LLGL2: variants seen among roughly 807,000 people sequenced by gnomAD.
The protein encoded by LLGL2 is LLGL2, scribble cell polarity complex component.
Under a neutral mutation model 123.2 loss-of-function variants are expected in LLGL2, and 81 were observed. The ratio of observed to expected loss-of-function variants is 0.66; its 90% CI spans 0.55 to 0.79. The LOEUF is 0.79. Among genes scored for constraint, LLGL2 ranks in the 30% least tolerant of loss-of-function variants. LLGL2 has a pLI of 0.00. For missense variants in LLGL2, 1,273 were observed against 1,414.6 expected, an observed-to-expected ratio of 0.90 and a Z score of 1.61; for synonymous variants, 577 against 594.1, an observed-to-expected ratio of 0.97 and a Z score of 0.42.
rs34553577 is a variant in LLGL2, at chr17:75,564,429, G to A, written c.958G>A (p.Asp320Asn). 2.3e-4 allele frequency: 375 copies of A among 1,613,530 alleles called. 1 individual carries two copies. Among genetic ancestry groups the A allele is most frequent in the Non-Finnish European group, 2.8e-4 (327 of 1,180,008 alleles). ...GDRHCISVIH[D>N]GQQTAFDFTS... ...CCGCCACTGCATCTCAGTGATCCAC[G>A]ATGGCCAGCAGACGGCCTTCGACTT... The change falls in exon 10 of 26, where the codon GAT becomes AAT. Residue 320 changes from aspartate (D) to asparagine (N), a missense_variant. Transcript: ENST00000392550. The surrounding 1 kb of genome is among the most constrained non-coding windows in gnomAD (Gnocchi z 4.9).
chr17:75,558,475 A>G lies in LLGL2; in HGVS notation c.256-37A>G, dbSNP rs1418711345. On this transcript the variant is annotated intron_variant, in intron 4 of 25. Transcript: ENST00000392550. This position sits in a 1 kb window ranked among gnomAD's most constrained non-coding sequence, Gnocchi z 4.0. The stretch of plus-strand genomic sequence containing the variant: ...CAGTGTGTAAAGGCCTTGCCTGGGT[A>G]GCAAGACCACATGATCCCGTCGTGT... 4 of 1,515,546 alleles carry G rather than the reference A, an allele frequency of 2.6e-6. No homozygotes were observed. Among genetic ancestry groups the G allele is most frequent in the Middle Eastern group, 1.7e-4 (1 of 5,856 alleles). The allele number at this position is 1,515,546 out of a possible 1,614,324, so 93.9% of individuals were successfully genotyped here. A position where few individuals can be genotyped will look rare whatever the true frequency, so the allele number is the denominator to read the frequency against.
chr17:75,539,768 C>T (rs988272222), intron 1 of LLGL2, among the ~76,000 whole-genome samples: 7 of 151,754 alleles, frequency 4.6e-5, no homozygotes, highest in Non-Finnish European at 1.0e-4. Context: ...CTACCAGACT[C>T]AGTTAATTTT....
chr17:75,540,833 G>A (rs2054178798), intron 1 of LLGL2, among the ~76,000 whole-genome samples: 1 of 152,120 alleles, frequency 6.6e-6, no homozygotes, highest in Non-Finnish European at 1.5e-5. Flanking sequence ...GTGGTGTGAG[G>A]GGCTCCACGC....
Position 75,559,149 on chromosome 17 carries a change from A to T in LLGL2, c.372-103A>T. ...TGGCTTGAAATGTTATGACCTCATT[A>T]AAGGGCCTTATGGGCTTGTTTTCCG... On this transcript the variant is annotated intron_variant, in intron 5 of 25. Transcript: ENST00000392550. This position sits in a 1 kb window ranked among gnomAD's most constrained non-coding sequence, Gnocchi z 4.6. 8.1e-7 allele frequency: 1 copy of T among 1,230,882 alleles called. No homozygotes were observed. The highest frequency in any genetic ancestry group is 1.1e-6 in the Non-Finnish European group (1 of 909,714). 76.2% of individuals were successfully genotyped at this position (1,230,882 alleles called of 1,614,324 possible).
chr17:75,529,614 G>A (rs1364695953), intron 1 of LLGL2, among the ~76,000 whole-genome samples: 1 of 151,994 alleles, frequency 6.6e-6, no homozygotes, highest in Non-Finnish European at 1.5e-5. Flanking sequence ...TGTAATCCCA[G>A]CACTTTGGGA....
chr17:75,530,715 G>A (rs533534277), intron 1 of LLGL2, among the ~76,000 whole-genome samples: 25 of 151,962 alleles, frequency 1.6e-4, no homozygotes, highest in African/African-American at 2.2e-4. Flanking sequence ...ACATGGGATC[G>A]TAGGAGGATC....
At chr17:75,538,517 C>A (rs964083160) in intron 1 of LLGL2, 3 of 152,162 alleles carry the variant, frequency 2.0e-5, no homozygotes, top group Non-Finnish European at 4.4e-5. Flanking sequence ...TCTGTTCATT[C>A]ATTCATTCAA....
In LLGL2 at chr17:75,541,678, C is replaced by T. The variant is rs574888650; in HGVS notation, c.-30-1719C>T. 2.2e-4 allele frequency among the ~76,000 whole-genome samples: 33 copies of T among 148,512 alleles called. No homozygotes were observed. The East Asian group carries it at 2.9e-3, about 13-fold the overall frequency. On this transcript the variant is annotated intron_variant, in intron 1 of 25. Coordinates refer to ENST00000392550, the MANE Select transcript of LLGL2 (RefSeq NM_001031803.2). ...GGTATTCGGTTTTGAGATAACTGACCGTGCAGATCCTTTCACTCAAGGGGG... is the reference window on the plus strand; with the variant it reads ...GGTATTCGGTTTTGAGATAACTGACTGTGCAGATCCTTTCACTCAAGGGGG...
At position 75,568,616 on chromosome 17, in the gene LLGL2, G is replaced by A. The variant is rs769075767; in HGVS notation, c.1177G>A (p.Val393Ile). 9.3e-6 allele frequency: 15 copies of A among 1,613,876 alleles called. No individual in the cohort carries two copies. Among genetic ancestry groups the A allele is most frequent in the East Asian group, 8.9e-5 (4 of 44,872 alleles). Residue 393 changes from valine to isoleucine, a missense_variant, in exon 11 of 26, where the codon GTC becomes ATC. Transcript: ENST00000392550. ...HCSAITCSHH[V>I]SNIPLKLWER... ...TTCCGCCATCACCTGCTCTCACCAC[G>A]TCTCCAACATCCCGCTGAAGCTGTG...
chr17:75,570,425 G>A lies in LLGL2; in HGVS notation c.1952G>A (p.Arg651His), dbSNP rs140325578. The A allele has an allele frequency of 1.1e-5, 17 of 1,607,194 alleles. No individual in the cohort carries two copies. The highest frequency in any genetic ancestry group is 3.4e-5 in the Admixed American group (2 of 59,172). Reference sequence around the variant, plus strand: ...GTCAAGTCCCTCAAGAAGTCCTTGCGTCAGTCATTCCGCCGGATGCGTCGG... The same window carrying A: ...GTCAAGTCCCTCAAGAAGTCCTTGCATCAGTCATTCCGCCGGATGCGTCGG... ...SRVKSLKKSL[R>H]QSFRRMRRSR... The change falls in exon 16 of 26, where the codon CGT becomes CAT. Residue 651 changes from arginine (R) to histidine (H), a missense_variant. By Grantham distance (29) the Arg-to-His change is conservative. Coordinates refer to ENST00000392550, the MANE Select transcript of LLGL2 (RefSeq NM_001031803.2).
rs759466660 is a variant in LLGL2 at position 75,570,086 on chromosome 17, G to A, written c.1705G>A (p.Gly569Arg). ...GCACGAGCGCCTGGCAGCCCGCTCA[G>A]GGCCCGTGCGCTTTGAGCCTGGCTT... ...KGHERLAARS[G>R]PVRFEPGFQP... The change falls in exon 15 of 26, where the codon GGG becomes AGG. Residue 569 changes from glycine to arginine, a missense_variant. Coordinates refer to ENST00000392550, the MANE Select transcript of LLGL2 (RefSeq NM_001031803.2). The A allele has an allele frequency of 1.9e-6, 3 of 1,611,078 alleles. No homozygotes were observed. In the South Asian group the frequency reaches 3.3e-5, roughly 18 times the overall value.
chr17:75,542,768 TG>T (rs957430257), intron 1 of LLGL2: 1 of 152,348 alleles, frequency 6.6e-6, no homozygotes, highest in African/African-American at 2.4e-5. Flanking sequence ...CACGGTGGCA[TG>T]GGCCAGCACC....
chr17:75,569,385 A>C, intron 14 of LLGL2, 60 bp downstream of exon 14: 3 of 1,385,162 alleles, frequency 2.2e-6, no homozygotes, highest in Non-Finnish European at 3.1e-6. Context: ...TGGGGACAGC[A>C]GGGACAGGAG....
At position 75,558,398 on chromosome 17, in the gene LLGL2, C is replaced by T. The variant is rs1310554000; in HGVS notation, c.256-114C>T. 8.6e-6 allele frequency: 10 copies of T among 1,159,552 alleles called. No homozygotes were observed. Among genetic ancestry groups the T allele is most frequent in the Middle Eastern group, 2.5e-4 (1 of 3,972 alleles). 71.8% of individuals were successfully genotyped at this position (1,159,552 alleles called of 1,614,324 possible). ...CCTTTCCACAGCTGGGGCTCATGGG[C>T]CACCCTGGGAGTGGCCAGGGGGTCT... is the stretch of plus-strand genomic sequence containing the variant. On this transcript the variant is annotated intron_variant, in intron 4 of 25. Coordinates refer to ENST00000392550, the MANE Select transcript of LLGL2 (RefSeq NM_001031803.2). The surrounding 1 kb of genome is among the most constrained non-coding windows in gnomAD (Gnocchi z 4.0).
intron 2 of LLGL2, among the ~76,000 whole-genome samples, chr17:75,550,795 AAAAAAAAAACAC>A (rs1348060352): frequency 7.3e-5 from 11 of 150,652 alleles, no homozygotes; most frequent in Admixed American, 1.3e-4. Flanking sequence ...AAAAAAAAAA[AAAAAAAAAACAC>A]ACACACACAA....
intron 1 of LLGL2, among the ~76,000 whole-genome samples, chr17:75,541,098 C>T (rs1302200258): frequency 6.6e-6 from 1 of 152,180 alleles, no homozygotes; most frequent in Non-Finnish European, 1.5e-5. Flanking sequence ...TGTCCACGCC[C>T]TCCTGATGCC....
At chr17:75,541,903 G>T (rs1020294004) in intron 1 of LLGL2, among the ~76,000 whole-genome samples, 3 of 151,596 alleles carry the variant, frequency 2.0e-5, no homozygotes, top group Admixed American at 2.0e-4. Context: ...CTAACTTTTT[G>T]TATTTTTAGT....
At position 75,558,775 on chromosome 17, in the gene LLGL2, G is replaced by A; in HGVS notation, c.371+148G>A. 3 of 680,112 alleles carry A rather than the reference G, an allele frequency of 4.4e-6. No homozygotes were observed. Among genetic ancestry groups the A allele is most frequent in the Admixed American group, 4.7e-5 (2 of 42,724 alleles). 42.1% of individuals were successfully genotyped at this position (680,112 alleles called of 1,614,324 possible). A position where few individuals can be genotyped will look rare whatever the true frequency, so the allele number is the denominator to read the frequency against. On this transcript the variant is annotated intron_variant, in intron 5 of 25. Transcript: ENST00000392550. The surrounding 1 kb of genome is among the most constrained non-coding windows in gnomAD (Gnocchi z 4.0). ...GCCCGATGCATCGCCACACTCAGGTGCTCCGAGTGGAGTGGGCGGGGCTGC... is the reference window on the plus strand; with the variant it reads ...GCCCGATGCATCGCCACACTCAGGTACTCCGAGTGGAGTGGGCGGGGCTGC...
rs2147398698 is a variant in LLGL2 at position 75,559,853 on chromosome 17, A to T, written c.530+443A>T. Among the ~76,000 whole-genome samples, 1 of 152,326 alleles carries T rather than the reference A, an allele frequency of 6.6e-6. No individual in the cohort carries two copies. Among genetic ancestry groups the T allele is most frequent in the Admixed American group, 6.5e-5 (1 of 15,310 alleles). ...CCGTGGCTAAAAAGCCTTGACCGCC[A>T]CAGGCATGTGGGTCTGTTGAGATCG... On this transcript the variant is annotated intron_variant, in intron 6 of 25. Transcript: ENST00000392550. This position sits in a 1 kb window ranked among gnomAD's most constrained non-coding sequence, Gnocchi z 4.6.
Sources: gnomAD v4.1 joint callset for allele counts (sites outside exome capture counted in the v4.1 genomes callset) on GRCh38, gnomAD v4.1.1 for gene constraint, Gnocchi (gnomAD v3.1) non-coding constraint, MANE v1.5 for transcripts, NCBI Gene and HGNC (gene_info 2026-07-23, HGNC 2026-07-21) for gene names.